PDE4D: variants seen among roughly 807,000 people sequenced by gnomAD.
PDE4D encodes the protein 3',5'-cyclic-AMP phosphodiesterase 4D.
Under a neutral mutation model 87.4 loss-of-function variants are expected in PDE4D, and 24 were observed. That is an observed-to-expected ratio of 0.27 (90% CI 0.20 to 0.39). The LOEUF (loss-of-function observed/expected upper bound fraction) is 0.39. Ranked by LOEUF, PDE4D falls within the 10% of genes least tolerant of loss-of-function variation. The pLI, the probability that PDE4D is intolerant of heterozygous loss-of-function variation, is 1.00. For synonymous variants in PDE4D, 384 were observed against 383.2 expected (o/e 1.00, Z -0.02); for missense variants, 714 against 1,041.0 (o/e 0.69, Z 4.32).
chr5:60,249,512 C>A (rs935916598), intron 1 of PDE4D, among the ~76,000 whole-genome samples: 3 of 152,112 alleles, frequency 2.0e-5, no homozygotes. Flanking sequence ...TAACATGTAG[C>A]CTGCATGCAA....
intron 1 of PDE4D, among the ~76,000 whole-genome samples, chr5:59,830,468 T>G (rs113941351): frequency 8.0e-4 from 122 of 152,238 alleles, no homozygotes; most frequent in African/African-American, 2.9e-3. Context: ...AAACTAATCT[T>G]TCAGTCATCA....
intron 1 of PDE4D, among the ~76,000 whole-genome samples, chr5:59,620,176 G>C (rs1479670723): frequency 6.6e-6 from 1 of 152,184 alleles, no homozygotes; most frequent in Non-Finnish European, 1.5e-5. Flanking sequence ...AGGCTGACTA[G>C]AGAAATGAAT....
At chr5:58,993,325 A>G in intron 7 of PDE4D, 47 bp downstream of exon 7, 1 of 1,136,270 alleles carries the variant, frequency 8.8e-7, no homozygotes, top group Non-Finnish European at 1.3e-6. Context: ...AAAACAAACA[A>G]GCAAACAACT....
At chr5:59,342,879 G>A (rs1778981291) in intron 1 of PDE4D, among the ~76,000 whole-genome samples, 1 of 152,036 alleles carries the variant, frequency 6.6e-6, no homozygotes, top group Non-Finnish European at 1.5e-5. Flanking sequence ...ACACATTACG[G>A]AAGAGCTAAA....
chr5:59,680,713 G>A (rs545026602), intron 1 of PDE4D, among the ~76,000 whole-genome samples: 1 of 152,140 alleles, frequency 6.6e-6, no homozygotes, highest in South Asian at 2.1e-4. Flanking sequence ...ATAGAGGCGT[G>A]AGTGGGTAAT....
At chr5:60,224,373 C>T (rs1312793632) in intron 1 of PDE4D, among the ~76,000 whole-genome samples, 1 of 152,018 alleles carries the variant, frequency 6.6e-6, no homozygotes, top group Non-Finnish European at 1.5e-5. Flanking sequence ...TTAATGGCCA[C>T]AACAATAATT....
chr5:60,464,157 T>C (rs952798999), intron 1 of PDE4D, among the ~76,000 whole-genome samples: 3 of 152,126 alleles, frequency 2.0e-5, no homozygotes, highest in South Asian at 4.1e-4. Context: ...CCATGTAATT[T>C]TTCTGTTTGT....
intron 2 of PDE4D, among the ~76,000 whole-genome samples, chr5:60,020,798 AATT>A (rs1387193734): frequency 6.6e-6 from 1 of 152,202 alleles, no homozygotes; most frequent in African/African-American, 2.4e-5. Flanking sequence ...GAAAAAAAAT[AATT>A]ATTGTTCTTA....
At chr5:60,223,069 C>T (rs1409261115) in intron 1 of PDE4D, among the ~76,000 whole-genome samples, 1 of 152,064 alleles carries the variant, frequency 6.6e-6, no homozygotes, top group Non-Finnish European at 1.5e-5. Flanking sequence ...TTACTGGGAT[C>T]CTTCTTGTTA....
intron 2 of PDE4D, among the ~76,000 whole-genome samples, chr5:60,133,715 T>G (rs2149403168): frequency 6.6e-6 from 1 of 152,312 alleles, no homozygotes; most frequent in South Asian, 2.1e-4. Context: ...CACTACTTTG[T>G]GAGAAAATCC....
rs76076210 is a variant in PDE4D, at chr5:59,326,786, A to G, written c.456-110818T>C. ...GTGTGATCTTGCTTGGAAAAGACAC[A>G]TAACTTTCTTGCATTTCCATTGCTT... On this transcript the variant is annotated intron_variant, in intron 1 of 14. Transcript: ENST00000340635. 8.0e-3 allele frequency among the ~76,000 whole-genome samples: 1,212 copies of G among 152,266 alleles called. 40 individuals carry two copies. Among genetic ancestry groups the G allele is most frequent in the East Asian group, 0.072 (373 of 5,174 alleles).
At chr5:60,303,066 T>C (rs911211994) in intron 1 of PDE4D, among the ~76,000 whole-genome samples, 8 of 152,116 alleles carry the variant, frequency 5.3e-5, no homozygotes, top group African/African-American at 1.4e-4. Context: ...TGAGCTCAAA[T>C]GATCCGCTCA....
intron 1 of PDE4D, among the ~76,000 whole-genome samples, chr5:59,767,610 A>T (rs1448193360): frequency 6.6e-6 from 1 of 152,190 alleles, no homozygotes; most frequent in East Asian, 1.9e-4. Flanking sequence ...GATTGGCAAA[A>T]TGTTCTAACA....
intron 1 of PDE4D, among the ~76,000 whole-genome samples, chr5:59,222,202 C>A (rs758848238): frequency 8.5e-5 from 13 of 152,194 alleles, no homozygotes; most frequent in Non-Finnish European, 1.3e-4. Context: ...TTCCAATCTA[C>A]CTTTCATCCA....
At chr5:59,002,570 G>A (rs747161551) in intron 6 of PDE4D, among the ~76,000 whole-genome samples, 57 of 152,134 alleles carry the variant, frequency 3.7e-4, no homozygotes, top group Non-Finnish European at 6.5e-4. Context: ...GAGAGAAAGC[G>A]CAAGAGAGCA....
At chr5:59,252,588 C>T (rs910084852) in intron 1 of PDE4D, among the ~76,000 whole-genome samples, 4 of 152,016 alleles carry the variant, frequency 2.6e-5, no homozygotes, top group African/African-American at 4.8e-5. Flanking sequence ...GTGGCACAAT[C>T]ACAGCTCACT....
intron 1 of PDE4D, among the ~76,000 whole-genome samples, chr5:59,315,930 C>G (rs1407842883): frequency 6.6e-6 from 1 of 152,138 alleles, no homozygotes. Flanking sequence ...GAAATAGTAA[C>G]TTTATAAGAG....
At chr5:59,128,026 G>GTGTC (rs1323348263) in intron 5 of PDE4D, among the ~76,000 whole-genome samples, 4 of 97,604 alleles carry the variant, frequency 4.1e-5, no homozygotes, top group Non-Finnish European at 8.9e-5. Context: ...GTGTGTGTGT[G>GTGTC]TGTGTGTGTG....
chr5:60,384,704 T>TCC (rs1762086700), intron 1 of PDE4D, among the ~76,000 whole-genome samples: 1 of 152,124 alleles, frequency 6.6e-6, no homozygotes, highest in South Asian at 2.1e-4. Context: ...TTCTTCCTAC[T>TCC]CCCCATCCCC....
Sources: gnomAD v4.1 joint callset for allele counts (sites outside exome capture counted in the v4.1 genomes callset) on GRCh38, gnomAD v4.1.1 for gene constraint, MANE v1.5 for transcripts, NCBI Gene and HGNC (gene_info 2026-07-23, HGNC 2026-07-21) for gene names.